RHOBTB1: variants seen among roughly 807,000 people sequenced by gnomAD.
RHOBTB1 encodes the protein rho-related BTB domain-containing protein 1.
RHOBTB1 carries 40 observed loss-of-function variants against 71.6 expected under a neutral mutation model. The ratio of observed to expected loss-of-function variants is 0.56; its 90% CI spans 0.43 to 0.73. The LOEUF is 0.73. Ranked by LOEUF, RHOBTB1 falls within the 30% of genes least tolerant of loss-of-function variation. The pLI is 0.00. For synonymous variants in RHOBTB1, 319 were observed against 334.9 expected (o/e 0.95, Z 0.52); for missense variants, 797 against 894.0 (o/e 0.89, Z 1.38).
intron 7 of RHOBTB1, among the ~76,000 whole-genome samples, chr10:60,883,424 G>A (rs1487007851): frequency 6.6e-6 from 1 of 152,176 alleles, no homozygotes; most frequent in African/African-American, 2.4e-5. Flanking sequence ...TTCTTGGAAG[G>A]GATAAAGGAG....
chr10:60,888,091 T>G (rs1200979736), intron 6 of RHOBTB1, 121 bp downstream of exon 6: 3 of 1,127,188 alleles, frequency 2.7e-6, no homozygotes, highest in Non-Finnish European at 3.7e-6. Flanking sequence ...GAAAGGTACA[T>G]GGGAAAAAAT....
chr10:60,963,419 C>A (rs1269484335), intron 2 of RHOBTB1, among the ~76,000 whole-genome samples: 1 of 152,128 alleles, frequency 6.6e-6, no homozygotes, highest in Non-Finnish European at 1.5e-5. Flanking sequence ...GCTTTTAGGG[C>A]AACCCTGCAA....
At chr10:60,904,797 T>C (rs1045460675) in intron 4 of RHOBTB1, among the ~76,000 whole-genome samples, 1 of 152,222 alleles carries the variant, frequency 6.6e-6, no homozygotes, top group Non-Finnish European at 1.5e-5. Flanking sequence ...GGAACAACTA[T>C]TTCTATCTCT....
At chr10:60,897,152 A>G (rs537274562) in intron 4 of RHOBTB1, among the ~76,000 whole-genome samples, 32 of 152,290 alleles carry the variant, frequency 2.1e-4, no homozygotes, top group Non-Finnish European at 2.9e-4. Flanking sequence ...TCTTGGCCCT[A>G]GCTAGACTTT....
chr10:60,861,970 G>T, the RHOBTB1 span, among the ~76,000 whole-genome samples: 7 of 152,202 alleles, frequency 4.6e-5, no homozygotes, highest in South Asian at 1.5e-3. Flanking sequence ...TTAGAATTTG[G>T]GCAGTTGGAG....
intron 1 of RHOBTB1, chr10:61,001,370 C>T (rs2087264893): frequency 6.6e-6 from 1 of 151,828 alleles, no homozygotes; most frequent in African/African-American, 2.4e-5. Context: ...GCGCTCCCGC[C>T]CCGCCACGCC....
chr10:60,904,338 G>A (rs1284900061), intron 4 of RHOBTB1, among the ~76,000 whole-genome samples: 2 of 152,114 alleles, frequency 1.3e-5, no homozygotes, highest in Admixed American at 6.5e-5. Context: ...TTTGACATAC[G>A]TATTCCCCAT....
At chr10:60,994,609 G>GAAAGATATCCTC (rs2086982994) in intron 1 of RHOBTB1, among the ~76,000 whole-genome samples, 4 of 151,860 alleles carry the variant, frequency 2.6e-5, no homozygotes, top group Non-Finnish European at 4.4e-5. Flanking sequence ...TTTCTAATGT[G>GAAAGATATCCTC]AGGGAAAGAT....
At position 60,919,980 on chromosome 10, in the gene RHOBTB1, C is replaced by T. The variant is rs540359343; in HGVS notation, c.-10-8428G>A. Among the ~76,000 whole-genome samples the T allele has an allele frequency of 5.4e-4, 82 of 152,244 alleles. 1 individual carries two copies. The South Asian group carries it at 0.017, about 31-fold the overall frequency. On this transcript the variant is annotated intron_variant, in intron 2 of 10. Transcript: ENST00000337910. ...AAAATTTAAAAGATGCATGAAAATTCCAGGGCAGATTTCAAAACCACCATA... is the reference window on the plus strand; with the variant it reads ...AAAATTTAAAAGATGCATGAAAATTTCAGGGCAGATTTCAAAACCACCATA...
chr10:60,875,076 A>T (rs2080986630), intron 8 of RHOBTB1, 34 bp from the exon 9 acceptor site: 1 of 1,552,886 alleles, frequency 6.4e-7, no homozygotes, highest in Non-Finnish European at 8.9e-7. Flanking sequence ...AGAACATTAA[A>T]CCACGCCCTG....
upstream of RHOBTB1, among the ~76,000 whole-genome samples, chr10:60,946,730 A>G (rs150778363): frequency 6.6e-6 from 1 of 152,332 alleles, no homozygotes; most frequent in African/African-American, 2.4e-5. Flanking sequence ...TGCCTATACC[A>G]GAAAGACACA....
chr10:60,873,753 T>C (rs939836391), intron 9 of RHOBTB1, among the ~76,000 whole-genome samples: 17 of 152,364 alleles, frequency 1.1e-4, no homozygotes, highest in African/African-American at 3.4e-4. Context: ...CTGCATTAGA[T>C]GTCTATTCTC....
intron 2 of RHOBTB1, among the ~76,000 whole-genome samples, chr10:60,956,279 A>G (rs1411166967): frequency 6.6e-6 from 1 of 152,192 alleles, no homozygotes; most frequent in Non-Finnish European, 1.5e-5. Context: ...AAAAAATGGT[A>G]TGCCTGTATA....
intron 5 of RHOBTB1, among the ~76,000 whole-genome samples, chr10:60,891,643 C>A (rs954610968): frequency 6.6e-6 from 1 of 151,952 alleles, no homozygotes; most frequent in African/African-American, 2.4e-5. Context: ...CCACTGTGCC[C>A]AGCCTAGAGG....
At chr10:60,972,667 C>CT (rs2086198883) in intron 2 of RHOBTB1, among the ~76,000 whole-genome samples, 1 of 151,854 alleles carries the variant, frequency 6.6e-6, no homozygotes, top group Non-Finnish European at 1.5e-5. Flanking sequence ...ACATGTATCC[C>CT]AGAACTTAAA....
intron 2 of RHOBTB1, among the ~76,000 whole-genome samples, chr10:60,930,523 T>C (rs1414885431): frequency 6.6e-6 from 1 of 152,154 alleles, no homozygotes; most frequent in African/African-American, 2.4e-5. Context: ...AGTAAATAAG[T>C]ATGTGCAACC....
chr10:60,867,820 G>A (rs958510979), downstream of RHOBTB1, among the ~76,000 whole-genome samples: 23 of 152,198 alleles, frequency 1.5e-4, no homozygotes, highest in Admixed American at 1.2e-3. Flanking sequence ...GAGGTCACTA[G>A]TATTGCCACA....
At chr10:60,893,117 AGACCAGATATT>A in intron 4 of RHOBTB1, 122 bp from the exon 5 acceptor site, 31 of 692,372 alleles carry the variant, frequency 4.5e-5, no homozygotes, top group Non-Finnish European at 6.9e-5. Context: ...AAAAAAAAAA[AGACCAGATATT>A]AAAAAACATC....
chr10:60,929,733 CT>C (rs1362332635), intron 2 of RHOBTB1, among the ~76,000 whole-genome samples: 1 of 151,956 alleles, frequency 6.6e-6, no homozygotes, highest in African/African-American at 2.4e-5. Context: ...ATGAAGAAAA[CT>C]TTTTAAGTAT....
Sources: gnomAD v4.1 joint callset for allele counts (sites outside exome capture counted in the v4.1 genomes callset) on GRCh38, gnomAD v4.1.1 for gene constraint, MANE v1.5 for transcripts, NCBI Gene and HGNC (gene_info 2026-07-23, HGNC 2026-07-21) for gene names.